Variants in UCHL5 observed in about 807,000 individuals in gnomAD.
UCHL5 encodes the protein ubiquitin carboxyl-terminal hydrolase isozyme L5.
A neutral mutation model predicts 53.8 loss-of-function variants in UCHL5; 34 were observed. The observed-to-expected ratio is 0.63, with a 90% CI of 0.48 to 0.84. The LOEUF is 0.84. UCHL5 is among the 40% of genes least tolerant of loss of function. The pLI is 0.00. For missense variants in UCHL5, 290 were observed against 385.6 expected (o/e 0.75, Z 2.08); for synonymous variants, 111 against 126.3 (o/e 0.88, Z 0.81).
rs970319638 is a variant in UCHL5 at position 193,014,448 on chromosome 1, A to G, written c.*1903T>C. ...GATATTACTTTTGTTAACACTTTCA[A>G]TGACAATTCTGATGAGCTCTAATTT... is the stretch of plus-strand genomic sequence containing the variant. On this transcript the variant is annotated 3_prime_UTR_variant, in exon 11 of 11. Transcript: ENST00000367454. 2.0e-5 allele frequency: 3 copies of G among 152,114 alleles called. No individual in the cohort carries two copies. Among genetic ancestry groups the G allele is most frequent in the Non-Finnish European group, 4.4e-5 (3 of 68,000 alleles). 9.4% of individuals were successfully genotyped at this position (152,114 alleles called of 1,614,324 possible). A position where few individuals can be genotyped will look rare whatever the true frequency, so the allele number is the denominator to read the frequency against.
In UCHL5 at chr1:193,029,467, A is replaced by G. The variant is rs780508977; in HGVS notation, c.373-18T>C. ...CCTTTCATCTAAAATAATTTTTTAA[A>G]GTAGCCTATTAATATACAAACTTTC... On this transcript the variant is annotated intron_variant, in intron 4 of 10. Transcript: ENST00000367454. 7 of 1,613,310 alleles carry G rather than the reference A, an allele frequency of 4.3e-6. No homozygotes were observed. In the South Asian group the frequency reaches 7.7e-5, roughly 18 times the overall value.
At chr1:193,016,653 T>C (rs1361541375) in intron 10 of UCHL5, among the ~76,000 whole-genome samples, 1 of 151,864 alleles carries the variant, frequency 6.6e-6, no homozygotes, top group East Asian at 1.9e-4. Context: ...TGAATTATTA[T>C]AATTGTAATA....
At chr1:193,034,307 GA>G (rs1662585781) in intron 3 of UCHL5, among the ~76,000 whole-genome samples, 1 of 151,188 alleles carries the variant, frequency 6.6e-6, no homozygotes. Context: ...AAGAATAAAA[GA>G]ATATTAATAA....
intron 10 of UCHL5, among the ~76,000 whole-genome samples, chr1:193,017,762 A>C (rs1361870390): frequency 1.3e-5 from 2 of 151,524 alleles, no homozygotes; most frequent in Admixed American, 1.3e-4. Context: ...AATTAAAAAT[A>C]ATTATCACAA....
intron 3 of UCHL5, among the ~76,000 whole-genome samples, chr1:193,035,278 C>T (rs570119451): frequency 1.7e-4 from 26 of 152,048 alleles, no homozygotes; most frequent in African/African-American, 6.0e-4. Context: ...AAGAAAACTA[C>T]TCCAAGTCAT....
rs150649561 is a variant in UCHL5, at chr1:193,017,374, T to C, written c.943-979A>G. Among the ~76,000 whole-genome samples the C allele has an allele frequency of 3.3e-5, 5 of 151,834 alleles. No homozygotes were observed. The East Asian group carries it at 9.6e-4, about 29-fold the overall frequency. On this transcript the variant is annotated intron_variant, in intron 10 of 10. Coordinates refer to ENST00000367454, the MANE Select transcript of UCHL5 (RefSeq NM_001199261.3). ...CAATCTCTTTTTGTAATGTATTAGGTAGTATAATTATTATTTAACAGTATG... is the reference window on the plus strand; with the variant it reads ...CAATCTCTTTTTGTAATGTATTAGGCAGTATAATTATTATTTAACAGTATG...
At chr1:193,059,868 T>A, upstream of UCHL5, 2 of 1,364,618 alleles carry the variant, frequency 1.5e-6, no homozygotes, top group Non-Finnish European at 2.0e-6. This position sits in a 1 kb window ranked among gnomAD's most constrained non-coding sequence, Gnocchi z 4.9. Flanking sequence ...CTCACCCGCA[T>A]CCCAGGGGTT....
intron 7 of UCHL5, among the ~76,000 whole-genome samples, chr1:193,025,802 C>T (rs1240727015): frequency 6.6e-6 from 1 of 151,996 alleles, no homozygotes; most frequent in African/African-American, 2.4e-5. Context: ...GAAGATTATA[C>T]TAAAATTTAT....
chr1:193,022,664 CAAA>C (rs1291548226), intron 9 of UCHL5, among the ~76,000 whole-genome samples: 34 of 53,976 alleles, frequency 6.3e-4, no homozygotes, highest in African/African-American at 1.9e-3. Context: ...AGACTCTGTC[CAAA>C]AAAAAAAAAA....
At chr1:193,018,844 C>T (rs1655822012) in intron 10 of UCHL5, 2 of 1,555,832 alleles carry the variant, frequency 1.3e-6, no homozygotes, top group Non-Finnish European at 1.7e-6. Context: ...ACAGTAAGAT[C>T]CACTATTCCA....
intron 7 of UCHL5, among the ~76,000 whole-genome samples, chr1:193,025,779 T>C (rs1175078885): frequency 6.6e-6 from 1 of 151,920 alleles, no homozygotes; most frequent in African/African-American, 2.4e-5. Context: ...AGTCTTACTT[T>C]TATAGATATA....
At chr1:193,021,622 A>C (rs1343752859) in intron 9 of UCHL5, among the ~76,000 whole-genome samples, 1 of 152,194 alleles carries the variant, frequency 6.6e-6, no homozygotes, top group Non-Finnish European at 1.5e-5. Context: ...TGCAGGAAAA[A>C]ATTTCTACTT....
At chr1:193,058,988 T>C (rs1414982605) in intron 1 of UCHL5, among the ~76,000 whole-genome samples, 197 bp downstream of exon 1, 1 of 152,162 alleles carries the variant, frequency 6.6e-6, no homozygotes, top group Non-Finnish European at 1.5e-5. Context: ...GTGGTGTGGC[T>C]CTACAAATTA....
chr1:193,055,823 T>C (rs1670452498), intron 1 of UCHL5, among the ~76,000 whole-genome samples: 1 of 152,264 alleles, frequency 6.6e-6, no homozygotes, highest in South Asian at 2.1e-4. Context: ...AAGTTAATGA[T>C]GGATATAGGT....
chr1:193,059,619 C>T (rs1205252222), upstream of UCHL5: 1 of 1,415,892 alleles, frequency 7.1e-7, no homozygotes, highest in Non-Finnish European at 9.5e-7. The surrounding 1 kb of genome is among the most constrained non-coding windows in gnomAD (Gnocchi z 4.9). Flanking sequence ...AGGACTCGTT[C>T]CCGGGAACCG....
At chr1:193,020,227 G>C in intron 10 of UCHL5, 1 of 1,425,470 alleles carries the variant, frequency 7.0e-7, no homozygotes, top group Non-Finnish European at 9.3e-7. Flanking sequence ...ATATTATTTA[G>C]AATGTATAAC....
At chr1:193,050,201 T>C (rs917718573) in intron 2 of UCHL5, among the ~76,000 whole-genome samples, 3 of 152,220 alleles carry the variant, frequency 2.0e-5, no homozygotes, top group African/African-American at 4.8e-5. Context: ...AACATGTTTA[T>C]AGATAAACGG....
chr1:193,036,189 T>C (rs997322986), intron 3 of UCHL5, among the ~76,000 whole-genome samples: 8 of 151,434 alleles, frequency 5.3e-5, no homozygotes, highest in African/African-American at 1.9e-4. Flanking sequence ...TTAAAAGGCA[T>C]AGAGTCTCTG....
chr1:193,020,388 T>C (rs1344865773), intron 10 of UCHL5: 2 of 1,547,756 alleles, frequency 1.3e-6, no homozygotes, highest in Admixed American at 2.0e-5. Flanking sequence ...CAAACTGTGG[T>C]ACACAGACCA....
Sources: gnomAD v4.1 joint callset for allele counts (sites outside exome capture counted in the v4.1 genomes callset) on GRCh38, gnomAD v4.1.1 for gene constraint, Gnocchi (gnomAD v3.1) non-coding constraint, MANE v1.5 for transcripts, NCBI Gene and HGNC (gene_info 2026-07-23, HGNC 2026-07-21) for gene names.